Variants in PDGFC observed in about 807,000 individuals in gnomAD.
PDGFC encodes platelet derived growth factor C, also known as platelet-derived growth factor C.
PDGFC carries 12 observed loss-of-function variants against 35.5 expected under a neutral mutation model. The observed-to-expected ratio is 0.34, with a 90% confidence interval of 0.22 to 0.55. PDGFC has a LOEUF of 0.55. PDGFC is among the 20% of genes least tolerant of loss of function. The probability of loss-of-function intolerance (pLI) is 0.91; values close to 1 mark genes in which losing one functional copy is unlikely to be tolerated. For synonymous variants in PDGFC, 159 were observed against 148.8 expected, an observed-to-expected ratio of 1.07 and a Z score of -0.50; for missense variants, 322 against 412.4, an observed-to-expected ratio of 0.78 and a Z score of 1.90.
In PDGFC at chr4:156,851,857, G is replaced by A. The variant is rs28394476; in HGVS notation, c.119-1441C>T. Among the ~76,000 whole-genome samples the A allele has an allele frequency of 2.1e-5, 3 of 144,436 alleles. 1 individual carries two copies. The South Asian group carries it at 6.5e-4, about 31-fold the overall frequency. 94.8% of individuals were successfully genotyped at this position (144,436 alleles called of 152,430 possible). A position where few individuals can be genotyped will look rare whatever the true frequency, so the allele number is the denominator to read the frequency against. On this transcript the variant is annotated intron_variant, in intron 1 of 5. Transcript: ENST00000502773. ...GAGGCAGGAGAATGGTGTGAACCCA[G>A]AAGGCGGAGCTTGCAGTGAGGGGAG...
At chr4:156,844,838 C>T (rs1256770894) in intron 2 of PDGFC, among the ~76,000 whole-genome samples, 2 of 151,818 alleles carry the variant, frequency 1.3e-5, no homozygotes, top group Non-Finnish European at 2.9e-5. Flanking sequence ...ATATATGTAA[C>T]CTCTATTAAA....
intron 3 of PDGFC, among the ~76,000 whole-genome samples, chr4:156,806,979 T>A (rs1452902730): frequency 1.3e-5 from 2 of 151,768 alleles, no homozygotes; most frequent in African/African-American, 2.4e-5. Flanking sequence ...TTGCTTCATT[T>A]CTTCCCAAAC....
intron 1 of PDGFC, among the ~76,000 whole-genome samples, chr4:156,859,028 T>C (rs1039868070): frequency 2.6e-5 from 4 of 151,936 alleles, no homozygotes; most frequent in Admixed American, 2.6e-4. Context: ...CCAATGAAAG[T>C]AACAACAAAA....
At chr4:156,843,541 T>C (rs879568218) in intron 2 of PDGFC, among the ~76,000 whole-genome samples, 5 of 152,156 alleles carry the variant, frequency 3.3e-5, no homozygotes, top group Admixed American at 2.6e-4. Context: ...AAAGGAACCA[T>C]AGCATCTTCC....
intron 2 of PDGFC, among the ~76,000 whole-genome samples, chr4:156,838,636 G>A (rs575171520): frequency 6.6e-6 from 1 of 152,284 alleles, no homozygotes; most frequent in East Asian, 1.9e-4. Flanking sequence ...GAGATTTGAT[G>A]GCATCATTTT....
Position 156,971,164 on chromosome 4 carries a change from G to C in PDGFC, c.-261C>G, listed in dbSNP as rs1412512648. On this transcript the variant is annotated 5_prime_UTR_variant, in exon 1 of 6. Coordinates refer to ENST00000502773, the MANE Select transcript of PDGFC (RefSeq NM_016205.3). The stretch of plus-strand genomic sequence containing the variant: ...GTTTCCCAAGGTTTAAACAAATCCT[G>C]AGCTGTGGCGAAGTGGTGGGGGTGG... 15 of 413,376 alleles carry C rather than the reference G, an allele frequency of 3.6e-5. No individual in the cohort carries two copies. The highest frequency in any genetic ancestry group is 6.0e-5 in the Non-Finnish European group (14 of 233,816). 25.6% of individuals were successfully genotyped at this position (413,376 alleles called of 1,614,324 possible).
intron 1 of PDGFC, among the ~76,000 whole-genome samples, chr4:156,969,206 C>T (rs1042602585): frequency 2.6e-5 from 4 of 152,174 alleles, no homozygotes; most frequent in African/African-American, 9.7e-5. Context: ...TAGTAAGAAG[C>T]AATATTTTGA....
intron 2 of PDGFC, among the ~76,000 whole-genome samples, chr4:156,831,899 G>A (rs1279411941): frequency 6.6e-6 from 1 of 151,962 alleles, no homozygotes; most frequent in Non-Finnish European, 1.5e-5. Context: ...TTCCCACAGT[G>A]AGCACTTTGA....
At chr4:156,880,204 A>G (rs1352101682) in intron 1 of PDGFC, among the ~76,000 whole-genome samples, 82 of 152,296 alleles carry the variant, frequency 5.4e-4, no homozygotes, top group Non-Finnish European at 1.0e-4. Context: ...AGTGAGGAAA[A>G]GTCAAAGGCT....
intron 1 of PDGFC, among the ~76,000 whole-genome samples, chr4:156,898,024 G>A (rs981511103): frequency 6.6e-6 from 1 of 152,192 alleles, no homozygotes; most frequent in Non-Finnish European, 1.5e-5. Flanking sequence ...ACTGAATGTT[G>A]TGTCCTCCCA....
At chr4:156,845,385 T>C in intron 2 of PDGFC, among the ~76,000 whole-genome samples, 1 of 151,402 alleles carries the variant, frequency 6.6e-6, no homozygotes, top group South Asian at 2.1e-4. Context: ...AAATTAAAAA[T>C]ATATATATAT....
chr4:156,871,281 A>G (rs1200884454), intron 1 of PDGFC, among the ~76,000 whole-genome samples: 2 of 152,108 alleles, frequency 1.3e-5, no homozygotes, highest in Non-Finnish European at 2.9e-5. Context: ...GAATTTATAG[A>G]TAAACAGGCC....
chr4:156,781,498 A>G (rs529344990), intron 3 of PDGFC, among the ~76,000 whole-genome samples: 3 of 152,278 alleles, frequency 2.0e-5, no homozygotes, highest in Non-Finnish European at 2.9e-5. Context: ...TAAACATTCT[A>G]TAGATTATTC....
At chr4:156,910,142 T>C (rs1257121891) in intron 1 of PDGFC, among the ~76,000 whole-genome samples, 1 of 152,142 alleles carries the variant, frequency 6.6e-6, no homozygotes, top group East Asian at 1.9e-4. Flanking sequence ...TTGTTGGTTT[T>C]AGCCTCCCTG....
chr4:156,879,098 A>C (rs1052953804), intron 1 of PDGFC, among the ~76,000 whole-genome samples: 7 of 152,212 alleles, frequency 4.6e-5, no homozygotes, highest in Admixed American at 3.9e-4. Flanking sequence ...TGTTTTGTAC[A>C]TAGCATATCC....
intron 1 of PDGFC, among the ~76,000 whole-genome samples, chr4:156,927,273 T>C (rs1381521543): frequency 1.3e-5 from 2 of 152,182 alleles, no homozygotes; most frequent in African/African-American, 4.8e-5. Flanking sequence ...TGAAGACCTA[T>C]GACATGCCCT....
intron 2 of PDGFC, among the ~76,000 whole-genome samples, chr4:156,841,754 T>A (rs1729211027): frequency 6.6e-6 from 1 of 152,026 alleles, no homozygotes; most frequent in African/African-American, 2.4e-5. Context: ...GAGCCACCTA[T>A]CTTGGTCTCC....
chr4:156,797,722 C>T (rs1056772314), intron 3 of PDGFC, among the ~76,000 whole-genome samples: 6 of 152,154 alleles, frequency 3.9e-5, no homozygotes, highest in African/African-American at 1.4e-4. Context: ...CACATGGGGC[C>T]CGCGAGCCAT....
chr4:156,798,212 CA>C (rs1398851300), intron 3 of PDGFC, among the ~76,000 whole-genome samples: 1 of 151,992 alleles, frequency 6.6e-6, no homozygotes, highest in Non-Finnish European at 1.5e-5. Context: ...CAAAACAAAA[CA>C]AAAACAAAAC....
Sources: allele counts gnomAD v4.1 joint callset (sites outside exome capture counted in the v4.1 genomes callset), GRCh38; gene constraint gnomAD v4.1.1; transcripts MANE v1.5; gene names NCBI Gene and HGNC (gene_info 2026-07-23, HGNC 2026-07-21).